Variants in LINGO1 observed in about 807,000 individuals in gnomAD.
LINGO1 encodes the protein leucine rich repeat and Ig domain containing 1.
In LINGO1, 11 loss-of-function variants were observed where a neutral mutation model predicts 37.3. The observed-to-expected ratio is 0.29, with a 90% confidence interval of 0.19 to 0.49. The LOEUF (loss-of-function observed/expected upper bound fraction) is 0.49, where lower values mean the gene tolerates loss of function less well. Among genes scored for constraint, LINGO1 ranks in the 20% least tolerant of loss-of-function variants. LINGO1 has a pLI of 0.99. For missense variants in LINGO1, 585 were observed against 878.2 expected, an observed-to-expected ratio of 0.67 and a Z score of 4.22; for synonymous variants, 387 against 403.0, an observed-to-expected ratio of 0.96 and a Z score of 0.48.
intron 1 of LINGO1, among the ~76,000 whole-genome samples, chr15:77,757,230 T>C (rs2076429380): frequency 6.6e-6 from 1 of 152,252 alleles, no homozygotes. Flanking sequence ...GAGACTTTGA[T>C]ATCTTTGAGA....
chr15:77,749,073 A>G (rs544330406), intron 1 of LINGO1, among the ~76,000 whole-genome samples: 1 of 151,388 alleles, frequency 6.6e-6, no homozygotes, highest in Non-Finnish European at 1.5e-5. Flanking sequence ...ACGCCCGGCT[A>G]ATTTTTGTAT....
chr15:77,697,720 G>GA, upstream of LINGO1, among the ~76,000 whole-genome samples: 2 of 152,342 alleles, frequency 1.3e-5, 1 homozygote, highest in South Asian at 4.1e-4. Flanking sequence ...GCGGGAGCCT[G>GA]AGGGGCTGTG....
At chr15:77,758,410 A>C (rs1158320784) in intron 1 of LINGO1, among the ~76,000 whole-genome samples, 2 of 151,922 alleles carry the variant, frequency 1.3e-5, no homozygotes, top group Admixed American at 6.6e-5. Context: ...AACTCACTTG[A>C]CCTTTCTTGG....
At chr15:77,689,625 G>C (rs755278959) in intron 2 of LINGO1, among the ~76,000 whole-genome samples, 4 of 152,140 alleles carry the variant, frequency 2.6e-5, no homozygotes, top group Non-Finnish European at 5.9e-5. Flanking sequence ...GTAATTCTGT[G>C]TGTGAATTAT....
intron 1 of LINGO1, among the ~76,000 whole-genome samples, chr15:77,749,937 A>G (rs1204537255): frequency 1.3e-5 from 2 of 151,240 alleles, no homozygotes; most frequent in Non-Finnish European, 2.9e-5. Context: ...TAATCCTCCC[A>G]GCAGCTCTCA....
chr15:77,640,294 G>A (rs147647558), intron 3 of LINGO1, among the ~76,000 whole-genome samples: 149 of 152,280 alleles, frequency 9.8e-4, no homozygotes, highest in African/African-American at 3.1e-3. Flanking sequence ...ACATGGCAGG[G>A]GAGACTAAAA....
chr15:77,673,852 G>C (rs1567511791), intron 3 of LINGO1, among the ~76,000 whole-genome samples: 1 of 152,094 alleles, frequency 6.6e-6, no homozygotes, highest in South Asian at 2.1e-4. Flanking sequence ...GCTAGGGCTG[G>C]CTCACAGATG....
At chr15:77,750,891 T>A (rs1401610547) in intron 1 of LINGO1, among the ~76,000 whole-genome samples, 2 of 152,184 alleles carry the variant, frequency 1.3e-5, no homozygotes, top group African/African-American at 4.8e-5. Context: ...GACTGGAGCC[T>A]CTGCCTGTGA....
chr15:77,619,846 G>A (rs2073864579), intron 1 of LINGO1, among the ~76,000 whole-genome samples: 1 of 152,260 alleles, frequency 6.6e-6, no homozygotes, highest in South Asian at 2.1e-4. Flanking sequence ...CATGCTCCGT[G>A]GGAGCAGGAC....
intron 1 of LINGO1, chr15:77,735,065 C>G (rs2076190683): frequency 6.6e-6 from 1 of 152,438 alleles, no homozygotes; most frequent in Non-Finnish European, 1.5e-5. Context: ...TGCAAAGAGA[C>G]AGCAGGGAAG....
intron 2 of LINGO1, among the ~76,000 whole-genome samples, chr15:77,678,656 T>A (rs1168957758): frequency 6.6e-6 from 1 of 152,180 alleles, no homozygotes; most frequent in Non-Finnish European, 1.5e-5. Flanking sequence ...GAATGTAAGT[T>A]TTTATTTCTC....
chr15:77,728,186 G>T (rs559807195), intron 2 of LINGO1, among the ~76,000 whole-genome samples: 2 of 152,308 alleles, frequency 1.3e-5, no homozygotes, highest in South Asian at 4.1e-4. Flanking sequence ...CAGGTCTGGC[G>T]GTGATCGATC....
chr15:77,684,934 A>G (rs1317467207), intron 2 of LINGO1, among the ~76,000 whole-genome samples: 1 of 151,862 alleles, frequency 6.6e-6, no homozygotes, highest in African/African-American at 2.4e-5. Context: ...GTGCCCGGGG[A>G]GGGCTCTGGG....
intron 1 of LINGO1, among the ~76,000 whole-genome samples, chr15:77,775,662 T>C (rs2076629897): frequency 6.6e-6 from 1 of 152,166 alleles, no homozygotes; most frequent in Non-Finnish European, 1.5e-5. Flanking sequence ...TTGCTCCTTG[T>C]CATACAGCCT....
At chr15:77,705,204 C>CACACACACACACACACACA (rs1332650126) in intron 2 of LINGO1, among the ~76,000 whole-genome samples, 4 of 150,428 alleles carry the variant, frequency 2.7e-5, no homozygotes, top group Admixed American at 6.6e-5. Flanking sequence ...CACACACACA[C>CACACACACACACACACACA]ACCAGTCCAC....
At chr15:77,725,935 G>C (rs754182449) in intron 2 of LINGO1, among the ~76,000 whole-genome samples, 8 of 152,232 alleles carry the variant, frequency 5.3e-5, no homozygotes, top group Admixed American at 3.3e-4. Flanking sequence ...TGGCCATTGA[G>C]TGTTTGAGCC....
chr15:77,816,028 C>T (rs2077045093), intron 1 of LINGO1, among the ~76,000 whole-genome samples: 1 of 152,194 alleles, frequency 6.6e-6, no homozygotes, highest in African/African-American at 2.4e-5. Context: ...TCTCCATTCA[C>T]TCATTTAGTC....
intron 3 of LINGO1, chr15:77,641,887 A>G (rs1240854658): frequency 2.2e-6 from 1 of 456,626 alleles, no homozygotes; most frequent in South Asian, 1.5e-5. Flanking sequence ...TGCTGGGAAG[A>G]ACTAGACACT....
At chr15:77,629,017 C>T (rs1048085437) in intron 1 of LINGO1, among the ~76,000 whole-genome samples, 1 of 152,220 alleles carries the variant, frequency 6.6e-6, no homozygotes, top group Non-Finnish European at 1.5e-5. Context: ...TATGTTAGCA[C>T]ACCTAATTGT....
Sources: allele counts gnomAD v4.1 joint callset (sites outside exome capture counted in the v4.1 genomes callset), GRCh38; gene constraint gnomAD v4.1.1; transcripts MANE v1.5; gene names NCBI Gene and HGNC (gene_info 2026-07-23, HGNC 2026-07-21).